The following MCU variants were observed in gnomAD, a reference collection of about 807,000 sequenced individuals.
The protein encoded by MCU is mitochondrial calcium uniporter.
MCU carries 12 observed loss-of-function variants against 45.2 expected under a neutral mutation model. That is an observed-to-expected ratio of 0.27 (90% CI 0.17 to 0.43). The LOEUF is 0.43. MCU is among the 20% of genes least tolerant of loss of function. The pLI is 1.00. For synonymous variants in MCU, 160 were observed against 165.1 expected (o/e 0.97, Z 0.24); for missense variants, 324 against 436.7 (o/e 0.74, Z 2.30).
chr10:72,694,629 A>T (rs1842664251), intron 1 of MCU, among the ~76,000 whole-genome samples: 2 of 152,222 alleles, frequency 1.3e-5, no homozygotes, highest in African/African-American at 4.8e-5. Context: ...CCTGAGAGAC[A>T]CTAAGGTTGA....
intron 1 of MCU, among the ~76,000 whole-genome samples, chr10:72,771,830 C>G (rs950204050): frequency 1.3e-5 from 2 of 152,184 alleles, no homozygotes; most frequent in Admixed American, 6.5e-5. Context: ...TTGCCCTCCT[C>G]CCCACTACTG....
At chr10:72,789,521 C>T (rs553127461) in intron 1 of MCU, among the ~76,000 whole-genome samples, 25 of 152,120 alleles carry the variant, frequency 1.6e-4, no homozygotes, top group Non-Finnish European at 3.4e-4. Flanking sequence ...GTTTTCAACT[C>T]TTGAATCAAC....
chr10:72,843,389 A>G (rs1845074826), intron 2 of MCU, among the ~76,000 whole-genome samples: 1 of 152,114 alleles, frequency 6.6e-6, no homozygotes, highest in African/African-American at 2.4e-5. Flanking sequence ...AGAATGTCTT[A>G]TGGTAGGAAT....
At chr10:72,810,045 T>C (rs546382621) in intron 1 of MCU, among the ~76,000 whole-genome samples, 1 of 151,926 alleles carries the variant, frequency 6.6e-6, no homozygotes, top group Non-Finnish European at 1.5e-5. Context: ...CGCGTGAACA[T>C]ATGTGTATGG....
At chr10:72,795,869 G>A (rs1329980989) in intron 1 of MCU, among the ~76,000 whole-genome samples, 1 of 151,948 alleles carries the variant, frequency 6.6e-6, no homozygotes, top group Non-Finnish European at 1.5e-5. Flanking sequence ...GTGGTGGCGG[G>A]CGCCTGTAAT....
intron 1 of MCU, among the ~76,000 whole-genome samples, chr10:72,693,676 T>C (rs1307183083): frequency 6.6e-6 from 1 of 152,206 alleles, no homozygotes; most frequent in Non-Finnish European, 1.5e-5. Context: ...TTGTACCTCT[T>C]TTTATTTGGC....
At chr10:72,799,708 GA>G (rs956003931) in intron 1 of MCU, among the ~76,000 whole-genome samples, 41 of 148,238 alleles carry the variant, frequency 2.8e-4, no homozygotes, top group African/African-American at 8.6e-4. Flanking sequence ...TCATCTGATA[GA>G]AAAAAAAAGG....
intron 1 of MCU, chr10:72,730,610 T>C (rs1408337081): frequency 2.6e-5 from 4 of 152,108 alleles, no homozygotes; most frequent in African/African-American, 9.7e-5. Flanking sequence ...TTTAATAATA[T>C]CTGATGACCA....
chr10:72,703,280 AT>A, intron 1 of MCU, among the ~76,000 whole-genome samples: 1 of 152,294 alleles, frequency 6.6e-6, no homozygotes, highest in Non-Finnish European at 1.5e-5. Flanking sequence ...TTTTATCCTC[AT>A]TTTATAGATA....
intron 1 of MCU, among the ~76,000 whole-genome samples, chr10:72,697,644 C>T (rs1322741277): frequency 3.9e-5 from 6 of 151,980 alleles, no homozygotes; most frequent in African/African-American, 1.2e-4. Context: ...CCATGTTGGA[C>T]AGGCTAGTCT....
intron 1 of MCU, among the ~76,000 whole-genome samples, chr10:72,707,928 CT>C (rs1842844304): frequency 2.0e-5 from 3 of 151,974 alleles, no homozygotes; most frequent in Non-Finnish European, 4.4e-5. Context: ...CCTGCCTCAC[CT>C]TCTTCAGTAG....
At chr10:72,759,797 CT>C (rs996438361) in intron 1 of MCU, among the ~76,000 whole-genome samples, 10 of 152,090 alleles carry the variant, frequency 6.6e-5, no homozygotes, top group African/African-American at 2.4e-4. Flanking sequence ...GGGCTGGTGC[CT>C]GTTTAAGAAG....
chr10:72,714,345 C>CTTTTTTTTTTTTTTT lies in MCU; in HGVS notation c.150+22053_150+22067dup. ...TTACTTCAGTTCCCCCCGCCCTGGT[C>CTTTTTTTTTTTTTTT]TTTTTTTTTTTTTTTTTTTTTTTAA... On this transcript the variant is annotated intron_variant, in intron 1 of 7. Coordinates refer to ENST00000373053, the MANE Select transcript of MCU (RefSeq NM_138357.3). Among the ~76,000 whole-genome samples, 65 of 54,750 alleles carry CTTTTTTTTTTTTTTT rather than the reference C, an allele frequency of 1.2e-3. 18 individuals are homozygous for CTTTTTTTTTTTTTTT. The highest frequency in any genetic ancestry group is 2.0e-3 in the African/African-American group (31 of 15,520). The allele number at this position is 54,750 out of a possible 152,430, so 35.9% of individuals were successfully genotyped here. A position where few individuals can be genotyped will look rare whatever the true frequency, so the allele number is the denominator to read the frequency against.
At chr10:72,692,360 C>A in intron 1 of MCU, 59 bp downstream of exon 1, 1 of 1,156,738 alleles carries the variant, frequency 8.6e-7, no homozygotes, top group Non-Finnish European at 1.1e-6. Context: ...GTGTGGGAGC[C>A]GCCGGCGGGC....
At chr10:72,791,221 T>C (rs1451216898) in intron 1 of MCU, among the ~76,000 whole-genome samples, 1 of 152,208 alleles carries the variant, frequency 6.6e-6, no homozygotes, top group Admixed American at 6.5e-5. Flanking sequence ...TTAGATCCTT[T>C]AAATTTAGGA....
chr10:72,855,461 A>G (rs1009930610), intron 2 of MCU, among the ~76,000 whole-genome samples: 1 of 152,032 alleles, frequency 6.6e-6, no homozygotes, highest in Admixed American at 6.6e-5. Flanking sequence ...ATATGCCTAT[A>G]GTCCTAGCCA....
chr10:72,798,565 CAGGCGT>C (rs1844288900), intron 1 of MCU, among the ~76,000 whole-genome samples: 1 of 152,172 alleles, frequency 6.6e-6, no homozygotes. Context: ...GCTGGGATTA[CAGGCGT>C]AATCCTAGCA....
At chr10:72,704,830 C>T (rs1304309328) in intron 1 of MCU, among the ~76,000 whole-genome samples, 1 of 150,694 alleles carries the variant, frequency 6.6e-6, no homozygotes, top group Non-Finnish European at 1.5e-5. Flanking sequence ...AAGCAGTTCT[C>T]CTACCTCAGC....
chr10:72,832,499 A>G (rs543499469), intron 1 of MCU, among the ~76,000 whole-genome samples: 10 of 152,324 alleles, frequency 6.6e-5, no homozygotes, highest in African/African-American at 2.4e-4. Flanking sequence ...TCCAAAAACC[A>G]TTACATGAGG....
Sources: gnomAD v4.1 joint callset for allele counts (sites outside exome capture counted in the v4.1 genomes callset) on GRCh38, gnomAD v4.1.1 for gene constraint, MANE v1.5 for transcripts, NCBI Gene and HGNC (gene_info 2026-07-23, HGNC 2026-07-21) for gene names.